CYFIP2: variants seen among roughly 807,000 people sequenced by gnomAD.
CYFIP2 encodes cytoplasmic FMR1-interacting protein 2.
A neutral mutation model predicts 158.7 loss-of-function variants in CYFIP2; 29 were observed. The observed-to-expected ratio is 0.18, with a 90% CI of 0.14 to 0.25. The LOEUF is 0.25. Among genes scored for constraint, CYFIP2 ranks in the 10% least tolerant of loss-of-function variants. The pLI, the probability that CYFIP2 is intolerant of heterozygous loss-of-function variation, is 1.00. For synonymous variants in CYFIP2, 585 were observed against 617.6 expected (o/e 0.95, Z 0.78); for missense variants, 852 against 1,639.5 (o/e 0.52, Z 8.29).
At chr5:157,388,645 T>C (rs1043500904) in intron 28 of CYFIP2, among the ~76,000 whole-genome samples, 5 of 152,256 alleles carry the variant, frequency 3.3e-5, no homozygotes, top group Non-Finnish European at 7.3e-5. Context: ...CAATTTGTTC[T>C]ATTTACTTTA....
intron 26 of CYFIP2, chr5:157,376,036 C>G (rs1399031945): frequency 6.6e-6 from 1 of 152,586 alleles, no homozygotes; most frequent in Admixed American, 6.5e-5. Flanking sequence ...CCTTTCATAT[C>G]AGCCACCTCA....
At chr5:157,298,396 A>G (rs1045027027) in intron 5 of CYFIP2, among the ~76,000 whole-genome samples, 1 of 151,990 alleles carries the variant, frequency 6.6e-6, no homozygotes, top group African/African-American at 2.4e-5. Flanking sequence ...CGGTGACACT[A>G]TCTCGGCTCA....
chr5:157,316,793 G>A (rs546004691), intron 13 of CYFIP2, among the ~76,000 whole-genome samples: 2 of 152,250 alleles, frequency 1.3e-5, no homozygotes, highest in South Asian at 4.2e-4. Context: ...TAAGATAATG[G>A]ATGTAGATGA....
intron 15 of CYFIP2, 138 bp from the exon 16 acceptor site, chr5:157,323,783 G>A: frequency 9.2e-7 from 1 of 1,082,826 alleles, no homozygotes; most frequent in East Asian, 2.7e-5. Flanking sequence ...ACCTTAAACT[G>A]GTGCTTCCTT....
At chr5:157,360,422 C>A in intron 25 of CYFIP2, 50 bp downstream of exon 25, 6 of 1,482,604 alleles carry the variant, frequency 4.0e-6, no homozygotes, top group South Asian at 1.2e-5. Context: ...GGGAGGGAGG[C>A]TCTGACCATC....
At chr5:157,297,170 A>C (rs1758318209) in intron 5 of CYFIP2, among the ~76,000 whole-genome samples, 1 of 152,238 alleles carries the variant, frequency 6.6e-6, no homozygotes, top group Admixed American at 6.5e-5. Context: ...ACGTGTGATG[A>C]CCAGGAGGAA....
intron 23 of CYFIP2, among the ~76,000 whole-genome samples, chr5:157,350,277 T>C (rs572792991): frequency 6.6e-6 from 1 of 152,370 alleles, no homozygotes; most frequent in East Asian, 1.9e-4. Flanking sequence ...AAGTCTTTGA[T>C]CCATCTTGAG....
chr5:157,278,685 CT>C (rs1216096844), intron 1 of CYFIP2, among the ~76,000 whole-genome samples: 3 of 152,202 alleles, frequency 2.0e-5, no homozygotes, highest in Admixed American at 6.5e-5. Context: ...ATAAACCTTC[CT>C]TTTTTTGGTA....
chr5:157,375,592 G>C (rs577499754), intron 26 of CYFIP2: 4 of 151,470 alleles, frequency 2.6e-5, no homozygotes, highest in Non-Finnish European at 4.4e-5. Flanking sequence ...AATGCAGCCC[G>C]ACCCAAATTC....
At chr5:157,312,646 A>T (rs761872440) in intron 11 of CYFIP2, among the ~76,000 whole-genome samples, 3 of 152,022 alleles carry the variant, frequency 2.0e-5, no homozygotes, top group Non-Finnish European at 4.4e-5. Flanking sequence ...CCAAACCCCA[A>T]CTCAGGAGAT....
At chr5:157,276,394 T>G (rs1756547586) in intron 1 of CYFIP2, among the ~76,000 whole-genome samples, 1 of 152,254 alleles carries the variant, frequency 6.6e-6, no homozygotes, top group African/African-American at 2.4e-5. Context: ...ATATGGTTTC[T>G]GACCTTTATT....
chr5:157,339,378 TC>T, intron 22 of CYFIP2, 122 bp downstream of exon 22: 3 of 835,810 alleles, frequency 3.6e-6, no homozygotes, highest in Admixed American at 2.4e-5. Context: ...TCAGAGCCCC[TC>T]CTGGGCACAG....
intron 16 of CYFIP2, 56 bp from the exon 17 acceptor site, chr5:157,325,422 TGAGA>T: frequency 6.7e-7 from 1 of 1,484,772 alleles, no homozygotes; most frequent in South Asian, 1.5e-5. Flanking sequence ...ATAAAAACAA[TGAGA>T]ACTAAGGTCT....
intron 13 of CYFIP2, 58 bp from the exon 14 acceptor site, chr5:157,319,704 A>G (rs937279899): frequency 1.3e-6 from 2 of 1,591,998 alleles, no homozygotes; most frequent in Admixed American, 3.4e-5. Context: ...GGTGATGGGT[A>G]GTAGACAGCT....
intron 20 of CYFIP2, among the ~76,000 whole-genome samples, 172 bp from the exon 21 acceptor site, chr5:157,333,155 C>T (rs1305449302): frequency 6.6e-6 from 1 of 152,186 alleles, no homozygotes; most frequent in Non-Finnish European, 1.5e-5. Flanking sequence ...TCATAAACTT[C>T]CCGAGGCTCC....
At chr5:157,297,050 A>AATAACATT (rs1758307145) in intron 5 of CYFIP2, among the ~76,000 whole-genome samples, 1 of 152,178 alleles carries the variant, frequency 6.6e-6, no homozygotes, top group African/African-American at 2.4e-5. Flanking sequence ...CTGTGAGTAA[A>AATAACATT]ATAACATTTT....
At chr5:157,338,220 G>A (rs1300444531) in intron 21 of CYFIP2, among the ~76,000 whole-genome samples, 1 of 152,192 alleles carries the variant, frequency 6.6e-6, no homozygotes, top group Non-Finnish European at 1.5e-5. Flanking sequence ...CACTTTGCCT[G>A]AAGATGGGTT....
At chr5:157,351,434 G>GA (rs1763063785) in intron 23 of CYFIP2, among the ~76,000 whole-genome samples, 1 of 152,072 alleles carries the variant, frequency 6.6e-6, no homozygotes, top group African/African-American at 2.4e-5. Flanking sequence ...AAATAATATT[G>GA]AAAAGTTCAA....
At chr5:157,355,382 T>A (rs1043486625) in intron 23 of CYFIP2, among the ~76,000 whole-genome samples, 1 of 152,234 alleles carries the variant, frequency 6.6e-6, no homozygotes, top group Non-Finnish European at 1.5e-5. Flanking sequence ...TTAATGGCTA[T>A]TTTTTCAGTG....
Sources: allele counts gnomAD v4.1 joint callset (sites outside exome capture counted in the v4.1 genomes callset), GRCh38; gene constraint gnomAD v4.1.1; transcripts MANE v1.5; gene names NCBI Gene and HGNC (gene_info 2026-07-23, HGNC 2026-07-21).